Variants in SH2B3 observed in about 807,000 individuals in gnomAD.
SH2B3 encodes the protein SH2B adapter protein 3.
In SH2B3, 43 loss-of-function variants were observed where a neutral mutation model predicts 51.9. The ratio of observed to expected loss-of-function variants is 0.83; its 90% confidence interval spans 0.65 to 1.07. SH2B3 has a LOEUF of 1.07. Among genes scored for constraint, SH2B3 ranks in the 50% least tolerant of loss-of-function variants. The probability of loss-of-function intolerance (pLI) is 0.00; values close to 1 mark genes in which losing one functional copy is unlikely to be tolerated. For missense variants in SH2B3, 952 were observed against 834.3 expected (o/e 1.14, Z -1.74); for synonymous variants, 396 against 376.0 (o/e 1.05, Z -0.62).
At position 111,449,402 on chromosome 12, in the gene SH2B3, A is replaced by C. The variant is rs1487482315; in HGVS notation, c.*1100A>C. The C allele has an allele frequency of 6.6e-6, 1 of 152,178 alleles. No individual in the cohort carries two copies. The allele number at this position is 152,178 out of a possible 1,614,324, so 9.4% of individuals were successfully genotyped here. A position where few individuals can be genotyped will look rare whatever the true frequency, so the allele number is the denominator to read the frequency against. On this transcript the variant is annotated 3_prime_UTR_variant, in exon 8 of 8. Transcript: ENST00000341259. Reference sequence around the variant, plus strand: ...TTTTTGAGCCAAAATGGAAGCTGGGAATCTGGTGCCATAACTAATGAGAAA... The same window carrying C: ...TTTTTGAGCCAAAATGGAAGCTGGGCATCTGGTGCCATAACTAATGAGAAA...
intron 2 of SH2B3, among the ~76,000 whole-genome samples, chr12:111,423,777 G>A (rs1207688025): frequency 1.3e-5 from 2 of 152,226 alleles, no homozygotes; most frequent in African/African-American, 4.8e-5. Flanking sequence ...TTGGGAGTTC[G>A]AGACCAGCCT....
chr12:111,406,275 C>G lies in SH2B3; in HGVS notation c.-30C>G, dbSNP rs1193045137. On this transcript the variant is annotated splice_region_variant and 5_prime_UTR_variant, in exon 1 of 8. Transcript: ENST00000341259. This position sits in a 1 kb window ranked among gnomAD's most constrained non-coding sequence, Gnocchi z 5.7. ...GGCCGGGCCCAGAGCTCCTGTCTCT[C>G]AGGTGAGCCCGCGTTTGCCCGCGCT... 6.6e-6 allele frequency: 1 copy of G among 152,178 alleles called. No homozygotes were observed. Among genetic ancestry groups the G allele is most frequent in the Non-Finnish European group, 1.5e-5 (1 of 68,044 alleles). The allele number at this position is 152,178 out of a possible 1,614,324, so 9.4% of individuals were successfully genotyped here.
Position 111,448,271 on chromosome 12 carries a change from G to T in SH2B3, c.1697G>T (p.Arg566Leu). The T allele has an allele frequency of 1.2e-6, 2 of 1,613,718 alleles. No individual in the cohort carries two copies. The highest frequency in any genetic ancestry group is 1.1e-5 in the South Asian group (1 of 91,016). The change falls in exon 8 of 8, where the codon CGG (arginine) becomes CTG (leucine). Residue 566 changes from arginine to leucine, a missense_variant. Arg to Leu is a moderately radical substitution (Grantham distance 102). Coordinates refer to ENST00000341259, the MANE Select transcript of SH2B3 (RefSeq NM_005475.3). ...EMDSSSRSHL[R>L]AIDNQYTPL ...GACTCATCCTCCCGGAGCCACCTGCGGGCCATAGACAATCAGTACACACCT... is the reference window on the plus strand; with the variant it reads ...GACTCATCCTCCCGGAGCCACCTGCTGGCCATAGACAATCAGTACACACCT...
intron 2 of SH2B3, among the ~76,000 whole-genome samples, chr12:111,421,313 A>G (rs1184734120): frequency 6.7e-6 from 1 of 150,254 alleles, no homozygotes; most frequent in East Asian, 2.0e-4. Context: ...CAGCTAATAA[A>G]TAGGTTGCCT....
At chr12:111,416,111 T>A (rs898829209) in intron 1 of SH2B3, among the ~76,000 whole-genome samples, 4 of 151,872 alleles carry the variant, frequency 2.6e-5, no homozygotes, top group Non-Finnish European at 5.9e-5. Flanking sequence ...CCCGCTAATT[T>A]TTTTGTATTT....
At chr12:111,421,400 CCT>C (rs1871545120) in intron 2 of SH2B3, among the ~76,000 whole-genome samples, 1 of 135,108 alleles carries the variant, frequency 7.4e-6, no homozygotes, top group Non-Finnish European at 1.6e-5. Context: ...ATAGTGTCTT[CCT>C]TTTTTTTTTT....
chr12:111,415,767 A>T (rs978082384), intron 1 of SH2B3, among the ~76,000 whole-genome samples: 1 of 150,814 alleles, frequency 6.6e-6, no homozygotes, highest in Non-Finnish European at 1.5e-5. Context: ...CATTACAGGC[A>T]CACACCACCA....
In SH2B3 at chr12:111,410,007, G is replaced by C. The variant is rs965483073; in HGVS notation, c.-28+3730G>C. 1.3e-5 allele frequency among the ~76,000 whole-genome samples: 2 copies of C among 152,220 alleles called. No homozygotes were observed. Among genetic ancestry groups the C allele is most frequent in the Non-Finnish European group, 2.9e-5 (2 of 68,038 alleles). On this transcript the variant is annotated intron_variant, in intron 1 of 7. Transcript: ENST00000341259. This position sits in a 1 kb window ranked among gnomAD's most constrained non-coding sequence, Gnocchi z 4.9. ...GCAGGGCCGGGCCACAGGCTTCCTTGTGAGCCAGGCCTGGAGCCCCTGGGG... is the reference window on the plus strand; with the variant it reads ...GCAGGGCCGGGCCACAGGCTTCCTTCTGAGCCAGGCCTGGAGCCCCTGGGG...
At chr12:111,420,611 C>T (rs747384048) in intron 2 of SH2B3, among the ~76,000 whole-genome samples, 3 of 152,194 alleles carry the variant, frequency 2.0e-5, no homozygotes, top group East Asian at 1.9e-4. Flanking sequence ...GAGGGGCTCA[C>T]GATGTGGGTG....
chr12:111,416,642 C>T (rs1307747577), intron 1 of SH2B3, among the ~76,000 whole-genome samples: 4 of 152,242 alleles, frequency 2.6e-5, no homozygotes, highest in African/African-American at 4.8e-5. Flanking sequence ...TACAGGCGCC[C>T]GCCACCACAG....
At chr12:111,443,115 A>G (rs1335244987) in intron 2 of SH2B3, among the ~76,000 whole-genome samples, 1 of 152,250 alleles carries the variant, frequency 6.6e-6, no homozygotes, top group African/African-American at 2.4e-5. Flanking sequence ...CATGAGGGCA[A>G]GTGAGGCCTA....
rs1233507017 is a variant in SH2B3 at position 111,429,048 on chromosome 12, AGAG to A, written c.732+10191_732+10193del. ...AGGAGGAGGAGGAGGAGGAGGAGGA[AGAG>A]GAGGAGGAGGAGGAGGAGGGACGGC... On this transcript the variant is annotated intron_variant, in intron 2 of 7. Coordinates refer to ENST00000341259, the MANE Select transcript of SH2B3 (RefSeq NM_005475.3). The surrounding 1 kb of genome is among the most constrained non-coding windows in gnomAD (Gnocchi z 4.4). 5.5e-4 allele frequency among the ~76,000 whole-genome samples: 69 copies of A among 125,072 alleles called. 1 individual carries two copies. The highest frequency in any genetic ancestry group is 1.1e-3 in the South Asian group (4 of 3,674). 82.1% of individuals were successfully genotyped at this position (125,072 alleles called of 152,430 possible). A position where few individuals can be genotyped will look rare whatever the true frequency, so the allele number is the denominator to read the frequency against.
At chr12:111,423,470 T>C (rs1009401553) in intron 2 of SH2B3, among the ~76,000 whole-genome samples, 16 of 152,104 alleles carry the variant, frequency 1.1e-4, no homozygotes, top group Middle Eastern at 3.4e-3. Context: ...CCCGGGTTCA[T>C]GCCATTCTCC....
At chr12:111,441,101 AATACACAC>A (rs1241702710) in intron 2 of SH2B3, among the ~76,000 whole-genome samples, 1 of 152,112 alleles carries the variant, frequency 6.6e-6, no homozygotes, top group Admixed American at 6.5e-5. Context: ...TCAAAAACAA[AATACACAC>A]ATACACACAC....
chr12:111,432,518 AT>A (rs1182031934), intron 2 of SH2B3, among the ~76,000 whole-genome samples: 3 of 152,168 alleles, frequency 2.0e-5, no homozygotes, highest in African/African-American at 7.2e-5. Flanking sequence ...TTGAGATATA[AT>A]TTACAAACCA....
chr12:111,447,579 G>C, intron 6 of SH2B3, 35 bp downstream of exon 6: 1 of 1,603,428 alleles, frequency 6.2e-7, no homozygotes, highest in South Asian at 1.1e-5. Context: ...GGGGCAGGCA[G>C]GACCGTGCCA....
intron 2 of SH2B3, among the ~76,000 whole-genome samples, chr12:111,439,084 T>C (rs1873160549): frequency 6.6e-6 from 1 of 152,182 alleles, no homozygotes. Context: ...GTGATTCTCC[T>C]GCGTCAGCCT....
rs1187012380 is a variant in SH2B3, at chr12:111,435,677, C to A, written c.733-11076C>A. 6.6e-6 allele frequency among the ~76,000 whole-genome samples: 1 copy of A among 152,176 alleles called. No homozygotes were observed. The highest frequency in any genetic ancestry group is 1.9e-4 in the East Asian group (1 of 5,188). On this transcript the variant is annotated intron_variant, in intron 2 of 7. Transcript: ENST00000341259. This position sits in a 1 kb window ranked among gnomAD's most constrained non-coding sequence, Gnocchi z 4.8. ...CCACTGCAGGGAGCCAGGCTTGCCC[C>A]CTCCCTGCCAAGGGAGCTGCTTGCT...
At position 111,441,391 on chromosome 12, in the gene SH2B3, G is replaced by A. The variant is rs1452316648; in HGVS notation, c.733-5362G>A. 3.9e-5 allele frequency among the ~76,000 whole-genome samples: 6 copies of A among 151,964 alleles called. No individual in the cohort carries two copies. The East Asian group carries it at 9.7e-4, about 25-fold the overall frequency. On this transcript the variant is annotated intron_variant, in intron 2 of 7. Transcript: ENST00000341259. ...AAAAAAAAAAAAATTGGAAACTGAG[G>A]CTAGGAGAGGTGAGTCACTTACCTA...
Sources: gnomAD v4.1 joint callset for allele counts (sites outside exome capture counted in the v4.1 genomes callset) on GRCh38, gnomAD v4.1.1 for gene constraint, Gnocchi (gnomAD v3.1) non-coding constraint, MANE v1.5 for transcripts, NCBI Gene and HGNC (gene_info 2026-07-23, HGNC 2026-07-21) for gene names.